The following GCNT2 variants were observed in gnomAD, a reference collection of about 807,000 sequenced individuals.
GCNT2 encodes glucosaminyl (N-acetyl) transferase 2 (I blood group).
In GCNT2, 34 loss-of-function variants were observed where a neutral mutation model predicts 34.2. The ratio of observed to expected loss-of-function variants is 1.00; its 90% CI spans 0.76 to 1.32. GCNT2 has a LOEUF of 1.32. Ranked by LOEUF, GCNT2 falls within the 40% of genes most tolerant of loss-of-function variation. GCNT2 has a pLI of 0.00. For missense variants in GCNT2, 584 were observed against 489.4 expected (o/e 1.19, Z -1.82); for synonymous variants, 212 against 188.0 (o/e 1.13, Z -1.04).
chr6:10,539,284 G>A (rs1038471859), intron 3 of GCNT2, among the ~76,000 whole-genome samples: 11 of 146,150 alleles, frequency 7.5e-5, no homozygotes, highest in Non-Finnish European at 1.2e-4. Context: ...CTGCCTCCTG[G>A]GTTCAAGCGA....
rs869289165 is a variant in GCNT2, at chr6:10,564,042, TTC to T, written c.925+34210_925+34211del. Among the ~76,000 whole-genome samples, 16 of 152,142 alleles carry T rather than the reference TTC, an allele frequency of 1.1e-4. No individual in the cohort carries two copies. In the East Asian group the frequency reaches 3.1e-3, roughly 29 times the overall value. ...ATATAATTAGACCCACTCAAAAACT[TTC>T]TCTTTCATCCTGATATTCAGCCCAT... On this transcript the variant is annotated intron_variant, in intron 3 of 4. Coordinates refer to ENST00000495262, the MANE Select transcript of GCNT2 (RefSeq NM_145649.5).
intron 3 of GCNT2, among the ~76,000 whole-genome samples, chr6:10,534,904 C>T (rs1289701736): frequency 6.6e-6 from 1 of 152,068 alleles, no homozygotes; most frequent in East Asian, 1.9e-4. Context: ...AAACATGGGT[C>T]CGGGCACAGT....
At chr6:10,589,523 C>T (rs982002701) in intron 3 of GCNT2, among the ~76,000 whole-genome samples, 2 of 152,028 alleles carry the variant, frequency 1.3e-5, no homozygotes, top group African/African-American at 4.8e-5. Context: ...GATCCACCAT[C>T]CCTCAAAGGC....
At chr6:10,586,211 C>T (rs1040930695) in intron 3 of GCNT2, 1 of 1,614,118 alleles carries the variant, frequency 6.2e-7, no homozygotes, top group Non-Finnish European at 8.5e-7. Flanking sequence ...GTGTCCCTTG[C>T]AAGGATTACC....
chr6:10,585,687 G>T lies in GCNT2; in HGVS notation c.926-35664G>T. 3.3e-6 allele frequency: 3 copies of T among 922,540 alleles called. No homozygotes were observed. In the South Asian group the frequency reaches 6.1e-5, roughly 19 times the overall value. The allele number at this position is 922,540 out of a possible 1,614,324, so 57.1% of individuals were successfully genotyped here. On this transcript the variant is annotated intron_variant, in intron 3 of 4. Transcript: ENST00000495262. ...TTGCATTTCATATGTAAATGAGGAGGCTTCCTAGAGGCTGGACTGGGCTGG... is the reference window on the plus strand; with the variant it reads ...TTGCATTTCATATGTAAATGAGGAGTCTTCCTAGAGGCTGGACTGGGCTGG...
intron 3 of GCNT2, among the ~76,000 whole-genome samples, chr6:10,558,427 C>T (rs961203243): frequency 2.0e-5 from 3 of 152,152 alleles, no homozygotes; most frequent in Non-Finnish European, 4.4e-5. Flanking sequence ...TTTAAAAATA[C>T]ATTTTATTTC....
intron 3 of GCNT2, among the ~76,000 whole-genome samples, chr6:10,558,920 T>A (rs1054406776): frequency 2.0e-5 from 3 of 152,264 alleles, no homozygotes; most frequent in African/African-American, 7.2e-5. Context: ...CATTAGGTAC[T>A]TAGGAGCTGA....
At chr6:10,565,208 G>A (rs947139650) in intron 3 of GCNT2, among the ~76,000 whole-genome samples, 1 of 152,222 alleles carries the variant, frequency 6.6e-6, no homozygotes, top group African/African-American at 2.4e-5. Flanking sequence ...GCATGAGGCA[G>A]GCAGTGCATG....
At chr6:10,617,012 C>A (rs1020774166) in intron 3 of GCNT2, among the ~76,000 whole-genome samples, 1 of 152,260 alleles carries the variant, frequency 6.6e-6, no homozygotes, top group African/African-American at 2.4e-5. Flanking sequence ...GGATCCCGCA[C>A]CAGGGCCGCA....
At chr6:10,525,128 C>T (rs74456259) in intron 1 of GCNT2, among the ~76,000 whole-genome samples, 1 of 152,136 alleles carries the variant, frequency 6.6e-6, no homozygotes, top group Non-Finnish European at 1.5e-5. Context: ...TTTTCTGCTT[C>T]TCTTTCTACA....
Position 10,621,369 on chromosome 6 carries a change from C to T in GCNT2, c.944C>T (p.Pro315Leu), listed in dbSNP as rs1561842556. The T allele has an allele frequency of 3.7e-6, 6 of 1,611,984 alleles. No homozygotes were observed. The highest frequency in any genetic ancestry group is 5.1e-6 in the Non-Finnish European group (6 of 1,178,300). Reference protein sequence around the residue: ...NRIPGVPGSMPNASWTGNLRA... With the variant: ...NRIPGVPGSMLNASWTGNLRA... Reference sequence around the variant, plus strand: ...ATTGCAGGTGTTCCTGGCTCTATGCCAAATGCATCCTGGACTGGAAACCTC... The same window carrying T: ...ATTGCAGGTGTTCCTGGCTCTATGCTAAATGCATCCTGGACTGGAAACCTC... Residue 315 changes from proline to leucine, a missense_variant, in exon 4 of 5, where the codon CCA becomes CTA. By Grantham distance (98) the Pro-to-Leu change is moderately conservative (BLOSUM62 -3). Coordinates refer to ENST00000495262, the MANE Select transcript of GCNT2 (RefSeq NM_145649.5).
chr6:10,621,525 G>T, intron 4 of GCNT2, 82 bp downstream of exon 4: 1 of 856,996 alleles, frequency 1.2e-6, no homozygotes. Flanking sequence ...GGTTCTCATG[G>T]AGAGAGAATT....
In GCNT2 at chr6:10,528,962, C is replaced by T. The variant is rs748146618; in HGVS notation, c.51C>T (p.Ala17=). 7 of 1,613,926 alleles carry T rather than the reference C, an allele frequency of 4.3e-6. No individual in the cohort carries two copies. The Admixed American group carries it at 5.0e-5, about 12-fold the overall frequency. Residue 17 remains alanine (A), a synonymous_variant, in exon 3 of 5, where the codon GCC becomes GCT. Transcript: ENST00000495262. ...HCLFSASLIS[A]LIFVFVYNTE... ...TTTTTAGCGCGTCTCTTATCTCTGC[C>T]CTGATTTTTGTATTTGTTTACAATA...
At chr6:10,607,994 C>T (rs1215670282) in intron 3 of GCNT2, among the ~76,000 whole-genome samples, 6 of 151,728 alleles carry the variant, frequency 4.0e-5, no homozygotes, top group Admixed American at 3.9e-4. Flanking sequence ...AATCTCTCCT[C>T]TGCCTCAAAT....
intron 3 of GCNT2, among the ~76,000 whole-genome samples, chr6:10,564,861 G>A (rs1322300115): frequency 6.6e-6 from 1 of 152,162 alleles, no homozygotes; most frequent in Non-Finnish European, 1.5e-5. Context: ...AGACACATAA[G>A]GCCCCTACCT....
intron 3 of GCNT2, among the ~76,000 whole-genome samples, chr6:10,569,850 T>TTC (rs1353873022): frequency 1.4e-5 from 2 of 145,902 alleles, no homozygotes; most frequent in South Asian, 2.1e-4. Context: ...CCTTCCTTTC[T>TTC]CTTTCTTTCT....
intron 3 of GCNT2, among the ~76,000 whole-genome samples, chr6:10,550,763 G>A (rs58127314): frequency 0.017 from 2,617 of 152,222 alleles, 32 homozygotes; most frequent in South Asian, 0.025. Context: ...GATTGTAGGC[G>A]TGAGCCACCA....
chr6:10,617,447 C>T (rs1212452697), intron 3 of GCNT2, among the ~76,000 whole-genome samples: 1 of 152,208 alleles, frequency 6.6e-6, no homozygotes, highest in Non-Finnish European at 1.5e-5. Context: ...CCTTGGCCAG[C>T]CCAGAAAGGG....
chr6:10,564,695 C>T (rs1011217466), intron 3 of GCNT2, among the ~76,000 whole-genome samples: 6 of 152,184 alleles, frequency 3.9e-5, no homozygotes, highest in African/African-American at 1.4e-4. Context: ...TCAGTGACTT[C>T]ATCTGTAAAA....
Sources: allele counts gnomAD v4.1 joint callset (sites outside exome capture counted in the v4.1 genomes callset), GRCh38; gene constraint gnomAD v4.1.1; transcripts MANE v1.5; gene names NCBI Gene and HGNC (gene_info 2026-07-23, HGNC 2026-07-21).